The following NSMCE1 variants were observed in gnomAD, a reference collection of about 807,000 sequenced individuals.
NSMCE1 encodes non-structural maintenance of chromosomes element 1 homolog.
A neutral mutation model predicts 29.6 loss-of-function variants in NSMCE1; 18 were observed. The observed-to-expected ratio is 0.61, with a 90% CI of 0.42 to 0.90. The LOEUF (loss-of-function observed/expected upper bound fraction) is 0.90, where lower values mean the gene tolerates loss of function less well. Ranked by LOEUF, NSMCE1 falls within the 40% of genes least tolerant of loss-of-function variation. The pLI is 0.00. For missense variants in NSMCE1, 314 were observed against 343.6 expected (o/e 0.91, Z 0.68); for synonymous variants, 124 against 133.4 (o/e 0.93, Z 0.49).
intron 5 of NSMCE1, among the ~76,000 whole-genome samples, chr16:27,227,177 G>A (rs2083707651): frequency 2.0e-5 from 3 of 152,224 alleles, no homozygotes; most frequent in Non-Finnish European, 4.4e-5. Context: ...GCCCACAAGG[G>A]GGTCAGTCTC....
At position 27,232,820 on chromosome 16, in the gene NSMCE1, G is replaced by A. The variant is rs1333600666; in HGVS notation, c.483+181C>T. ...TCATCTGGGTGAACGGGGAGTGGGA[G>A]GCAGGAGGAGTGAGGCCCAAGTCCT... On this transcript the variant is annotated intron_variant, in intron 5 of 7. Coordinates refer to ENST00000361439, the MANE Select transcript of NSMCE1 (RefSeq NM_145080.4). The surrounding 1 kb of genome is among the most constrained non-coding windows in gnomAD (Gnocchi z 4.5). Among the ~76,000 whole-genome samples, 1 of 152,244 alleles carries A rather than the reference G, an allele frequency of 6.6e-6. No individual in the cohort carries two copies. The highest frequency in any genetic ancestry group is 1.5e-5 in the Non-Finnish European group (1 of 68,038).
At chr16:27,229,750 T>A (rs1410939678) in intron 5 of NSMCE1, among the ~76,000 whole-genome samples, 1 of 152,144 alleles carries the variant, frequency 6.6e-6, no homozygotes, top group African/African-American at 2.4e-5. Flanking sequence ...CTAACTTTTT[T>A]ATATTTTTAG....
At chr16:27,249,355 A>G (rs1039824066) in intron 2 of NSMCE1, among the ~76,000 whole-genome samples, 2 of 152,228 alleles carry the variant, frequency 1.3e-5, no homozygotes, top group Admixed American at 6.5e-5. Context: ...TGGACTAATC[A>G]TAGGTCACAG....
rs764590145 is a variant in NSMCE1 at position 27,252,346 on chromosome 16, T to A, written c.136+5089A>T. On this transcript the variant is annotated intron_variant, in intron 2 of 7. Transcript: ENST00000361439. ...CAGTGACTGATCAATCATGCCTGTG[T>A]AAAGAAACCTCCATAGAAACCCAGG... Among the ~76,000 whole-genome samples the A allele has an allele frequency of 5.3e-4, 80 of 152,188 alleles. 1 individual carries two copies. Among genetic ancestry groups the A allele is most frequent in the Non-Finnish European group, 9.4e-4 (64 of 68,034 alleles).
At chr16:27,253,111 T>C (rs754450377) in intron 2 of NSMCE1, among the ~76,000 whole-genome samples, 2 of 152,082 alleles carry the variant, frequency 1.3e-5, no homozygotes, top group Non-Finnish European at 2.9e-5. Flanking sequence ...GTAGCCTTTA[T>C]AAAAAAACCA....
At chr16:27,256,606 G>A (rs1024458669) in intron 2 of NSMCE1, among the ~76,000 whole-genome samples, 2 of 152,100 alleles carry the variant, frequency 1.3e-5, no homozygotes, top group East Asian at 3.9e-4. Flanking sequence ...ACCCATATTG[G>A]CACACAACTC....
chr16:27,264,605 T>C (rs1190608976), intron 1 of NSMCE1, among the ~76,000 whole-genome samples: 1 of 152,172 alleles, frequency 6.6e-6, no homozygotes, highest in Non-Finnish European at 1.5e-5. Flanking sequence ...AATTTGATTC[T>C]TACCTCATAC....
chr16:27,228,878 C>T (rs2083733722), intron 5 of NSMCE1, among the ~76,000 whole-genome samples: 1 of 151,612 alleles, frequency 6.6e-6, no homozygotes, highest in Non-Finnish European at 1.5e-5. Context: ...CGGCCACCGC[C>T]CTCTTCCACC....
At chr16:27,238,011 T>C (rs2083845123) in intron 2 of NSMCE1, among the ~76,000 whole-genome samples, 1 of 152,206 alleles carries the variant, frequency 6.6e-6, no homozygotes, top group Admixed American at 6.5e-5. Flanking sequence ...TCGCTGACCC[T>C]GTAACTGTTT....
chr16:27,261,841 T>C (rs1414035253), intron 1 of NSMCE1, among the ~76,000 whole-genome samples: 2 of 152,214 alleles, frequency 1.3e-5, no homozygotes, highest in East Asian at 3.8e-4. Context: ...TTAATCCAGA[T>C]ATGTAAAAGG....
chr16:27,257,392 A>G, intron 2 of NSMCE1, 43 bp downstream of exon 2: 2 of 1,567,450 alleles, frequency 1.3e-6, no homozygotes, highest in South Asian at 1.2e-5. Context: ...TCCCTGATCA[A>G]CACAGCACCA....
At chr16:27,236,588 C>T (rs1168692202) in intron 2 of NSMCE1, among the ~76,000 whole-genome samples, 5 of 152,164 alleles carry the variant, frequency 3.3e-5, no homozygotes, top group African/African-American at 4.8e-5. Flanking sequence ...TGAGCCACCA[C>T]GCCCAGCTTG....
chr16:27,244,399 C>T (rs987792166), intron 2 of NSMCE1, among the ~76,000 whole-genome samples: 2 of 152,206 alleles, frequency 1.3e-5, no homozygotes, highest in Admixed American at 6.5e-5. Flanking sequence ...CCCGGTGTCC[C>T]CTCTAGCCTT....
intron 5 of NSMCE1, chr16:27,230,442 G>A (rs2083751001): frequency 6.6e-6 from 1 of 152,286 alleles, no homozygotes; most frequent in Non-Finnish European, 1.5e-5. Flanking sequence ...GGTTCTCAGT[G>A]ATTCCTCCAG....
At chr16:27,226,250 G>T in intron 6 of NSMCE1, 1 of 207,596 alleles carries the variant, frequency 4.8e-6, no homozygotes, top group Non-Finnish European at 9.7e-6. Flanking sequence ...CAAGGATACA[G>T]GTGTACGAGG....
At position 27,226,848 on chromosome 16, in the gene NSMCE1, C is replaced by G; in HGVS notation, c.484-12G>C. On this transcript the variant is annotated splice_polypyrimidine_tract_variant and intron_variant, in intron 5 of 7. Coordinates refer to ENST00000361439, the MANE Select transcript of NSMCE1 (RefSeq NM_145080.4). ...AACTCCCCTTCCTTCTGCAGGGACA[C>G]ACAGGAGGTGGCCACCCTCAGCCAG... is the stretch of plus-strand genomic sequence containing the variant. 1 of 1,568,974 alleles carries G rather than the reference C, an allele frequency of 6.4e-7. No individual in the cohort carries two copies. The highest frequency in any genetic ancestry group is 8.8e-7 in the Non-Finnish European group (1 of 1,139,508).
rs767261348 is a variant in NSMCE1 at position 27,229,629 on chromosome 16, T to C, written c.484-2793A>G. ...CGCTCTTGTTGCCCAGGCTAGATCA[T>C]GCAATGGCACGATCTCAGCTCACTG... On this transcript the variant is annotated intron_variant, in intron 5 of 7. Coordinates refer to ENST00000361439, the MANE Select transcript of NSMCE1 (RefSeq NM_145080.4). 5.3e-5 allele frequency among the ~76,000 whole-genome samples: 8 copies of C among 152,236 alleles called. No individual in the cohort carries two copies. The East Asian group carries it at 5.8e-4, about 11-fold the overall frequency.
intron 1 of NSMCE1, among the ~76,000 whole-genome samples, chr16:27,261,662 T>G (rs1201374600): frequency 6.6e-6 from 1 of 152,140 alleles, no homozygotes; most frequent in Non-Finnish European, 1.5e-5. Context: ...ATTTCAAATG[T>G]TACACAATCG....
At chr16:27,235,951 C>A (rs779988334) in intron 2 of NSMCE1, among the ~76,000 whole-genome samples, 1 of 152,338 alleles carries the variant, frequency 6.6e-6, no homozygotes, top group East Asian at 1.9e-4. Flanking sequence ...TCCAGCAGCT[C>A]TCTGGGCACA....
Sources: gnomAD v4.1 joint callset for allele counts (sites outside exome capture counted in the v4.1 genomes callset) on GRCh38, gnomAD v4.1.1 for gene constraint, Gnocchi (gnomAD v3.1) non-coding constraint, MANE v1.5 for transcripts, NCBI Gene and HGNC (gene_info 2026-07-23, HGNC 2026-07-21) for gene names.